CSGALNACT1: variants seen among roughly 807,000 people sequenced by gnomAD.
CSGALNACT1 encodes chondroitin sulfate N-acetylgalactosaminyltransferase 1.
In CSGALNACT1, 52 loss-of-function variants were observed where a neutral mutation model predicts 51.0. That is an observed-to-expected ratio of 1.02 (90% CI 0.82 to 1.29). The LOEUF (loss-of-function observed/expected upper bound fraction) is 1.29, where lower values mean the gene tolerates loss of function less well. Among genes scored for constraint, CSGALNACT1 ranks in the 50% most tolerant of loss-of-function variants. CSGALNACT1 has a pLI of 0.00. For missense variants in CSGALNACT1, 935 were observed against 679.2 expected (o/e 1.38, Z -4.19); for synonymous variants, 341 against 254.4 (o/e 1.34, Z -3.24).
chr8:19,438,005 G>C (rs2060659806), intron 6 of CSGALNACT1, among the ~76,000 whole-genome samples: 1 of 152,224 alleles, frequency 6.6e-6, no homozygotes, highest in Non-Finnish European at 1.5e-5. Context: ...GTCACTACAA[G>C]GGGTCTAAAC....
intron 3 of CSGALNACT1, among the ~76,000 whole-genome samples, chr8:19,562,137 G>A (rs923747614): frequency 1.3e-5 from 2 of 152,124 alleles, no homozygotes; most frequent in Non-Finnish European, 2.9e-5. Flanking sequence ...CACCCCCACA[G>A]ACCCCCCACA....
At chr8:19,436,877 C>T (rs1373925869) in intron 6 of CSGALNACT1, among the ~76,000 whole-genome samples, 1 of 152,226 alleles carries the variant, frequency 6.6e-6, no homozygotes, top group Non-Finnish European at 1.5e-5. Flanking sequence ...CACCACTGCA[C>T]TCTAGTCTGG....
intron 5 of CSGALNACT1, among the ~76,000 whole-genome samples, chr8:19,454,399 C>T (rs545475544): frequency 5.9e-5 from 9 of 152,266 alleles, no homozygotes; most frequent in East Asian, 5.8e-4. Context: ...CAGCCAGGCA[C>T]GTGGCTGACG....
At chr8:19,573,829 G>C (rs777858231) in intron 3 of CSGALNACT1, among the ~76,000 whole-genome samples, 2 of 152,114 alleles carry the variant, frequency 1.3e-5, no homozygotes, top group African/African-American at 4.8e-5. Context: ...CTCCCTCAAG[G>C]TGCTGGGGAT....
At chr8:19,601,820 C>G in exon 2 of CSGALNACT1, 2 of 454,038 alleles carry the variant, frequency 4.4e-6, no homozygotes, top group East Asian at 7.0e-5. Context: ...CATTGCTCCT[C>G]TGGGTCAAAA....
At chr8:19,694,088 CATTATAAGA>C (rs1333048596) in intron 1 of CSGALNACT1, among the ~76,000 whole-genome samples, 2 of 151,918 alleles carry the variant, frequency 1.3e-5, no homozygotes, top group Admixed American at 1.3e-4. Flanking sequence ...ATTGAGTTTA[CATTATAAGA>C]ATTATAAGAT....
At chr8:19,467,969 G>C (rs1165041022) in intron 4 of CSGALNACT1, among the ~76,000 whole-genome samples, 1 of 152,240 alleles carries the variant, frequency 6.6e-6, no homozygotes, top group Non-Finnish European at 1.5e-5. Context: ...CTCAGCAACA[G>C]AGTGAAACCC....
At chr8:19,743,966 G>GA (rs776060369) in intron 1 of CSGALNACT1, among the ~76,000 whole-genome samples, 6 of 150,038 alleles carry the variant, frequency 4.0e-5, no homozygotes, top group East Asian at 1.9e-4. Context: ...AATAAGAAAG[G>GA]AAAAAAAAAG....
intron 1 of CSGALNACT1, among the ~76,000 whole-genome samples, chr8:19,608,672 A>C (rs763355359): frequency 3.3e-5 from 5 of 152,158 alleles, no homozygotes; most frequent in Admixed American, 3.3e-4. Flanking sequence ...AGAATGAGTA[A>C]AGTTTGTTTT....
intron 9 of CSGALNACT1, among the ~76,000 whole-genome samples, chr8:19,407,468 G>A (rs567275353): frequency 2.0e-5 from 3 of 152,118 alleles, no homozygotes; most frequent in African/African-American, 7.2e-5. Flanking sequence ...AACGTTTCGG[G>A]ACTGTTCATT....
At chr8:19,482,431 C>A (rs180786123) in intron 4 of CSGALNACT1, among the ~76,000 whole-genome samples, 1 of 152,168 alleles carries the variant, frequency 6.6e-6, no homozygotes, top group Non-Finnish European at 1.5e-5. Flanking sequence ...TACCACTCCA[C>A]TGATGATGTT....
At chr8:19,462,574 G>C (rs1034977288) in intron 4 of CSGALNACT1, among the ~76,000 whole-genome samples, 5 of 152,106 alleles carry the variant, frequency 3.3e-5, no homozygotes, top group African/African-American at 1.2e-4. Flanking sequence ...CATCAGCCCA[G>C]GGTGACAGAG....
intron 6 of CSGALNACT1, among the ~76,000 whole-genome samples, chr8:19,434,863 A>C (rs1344127929): frequency 1.3e-5 from 2 of 152,254 alleles, no homozygotes; most frequent in African/African-American, 4.8e-5. Context: ...CAAATCAACA[A>C]TGCTGCTCAA....
At chr8:19,424,823 T>C (rs1421489046) in intron 6 of CSGALNACT1, among the ~76,000 whole-genome samples, 2 of 152,180 alleles carry the variant, frequency 1.3e-5, no homozygotes, top group Non-Finnish European at 2.9e-5. Context: ...CGTAGTGTGA[T>C]GGTGTGGTTT....
intron 1 of CSGALNACT1, among the ~76,000 whole-genome samples, chr8:19,667,041 A>AGAG (rs2059411935): frequency 2.3e-5 from 1 of 43,356 alleles, no homozygotes; most frequent in African/African-American, 1.3e-4. Context: ...GGAAGGAAGG[A>AGAG]AGAAAGAAAG....
At chr8:19,512,493 C>T (rs1266851853) in intron 3 of CSGALNACT1, among the ~76,000 whole-genome samples, 1 of 152,178 alleles carries the variant, frequency 6.6e-6, no homozygotes, top group East Asian at 1.9e-4. Flanking sequence ...ATAACTAATT[C>T]ACAGGGTCAC....
intron 5 of CSGALNACT1, among the ~76,000 whole-genome samples, chr8:19,451,498 T>C (rs1563466697): frequency 6.6e-6 from 1 of 152,236 alleles, no homozygotes. Flanking sequence ...GTGCACACAC[T>C]GTGTGCACCC....
chr8:19,489,833 A>C (rs1200940144), intron 4 of CSGALNACT1, among the ~76,000 whole-genome samples: 2 of 152,200 alleles, frequency 1.3e-5, no homozygotes, highest in Non-Finnish European at 2.9e-5. Context: ...TCTTGTTAGG[A>C]ACCTTTTGTT....
intron 4 of CSGALNACT1, among the ~76,000 whole-genome samples, chr8:19,459,471 T>G (rs2064900829): frequency 6.8e-6 from 1 of 146,784 alleles, no homozygotes; most frequent in African/African-American, 2.5e-5. Flanking sequence ...CCCCTGGGAG[T>G]AGCTCAGTTC....
Sources: gnomAD v4.1 joint callset for allele counts (sites outside exome capture counted in the v4.1 genomes callset) on GRCh38, gnomAD v4.1.1 for gene constraint, MANE v1.5 for transcripts, NCBI Gene and HGNC (gene_info 2026-07-23, HGNC 2026-07-21) for gene names.